RIPPLY2: variants seen among roughly 807,000 people sequenced by gnomAD.
RIPPLY2 encodes protein ripply2.
RIPPLY2 carries 20 observed loss-of-function variants against 17.7 expected under a neutral mutation model. The observed-to-expected ratio is 1.13, with a 90% confidence interval of 0.79 to 1.64. The LOEUF is 1.64. Among genes scored for constraint, RIPPLY2 ranks in the 40% most tolerant of loss-of-function variants. RIPPLY2 has a pLI of 0.00. For synonymous variants in RIPPLY2, 69 were observed against 63.9 expected (o/e 1.08, Z -0.38); for missense variants, 213 against 169.8 (o/e 1.25, Z -1.41).
At chr6:83,853,232 C>T (rs957203704), upstream of RIPPLY2, 8 of 573,740 alleles carry the variant, frequency 1.4e-5, no homozygotes, top group Non-Finnish European at 6.0e-6. Context: ...GGGGCTCAGC[C>T]CGGTGCGCCT....
chr6:83,853,399 G>C lies in RIPPLY2; in HGVS notation c.-18G>C. ...GCCCGCGAGCTGGCAGCGGCCTTCCGCCCAGCTCTGCGGCGTCATGGAGAA... is the reference window on the plus strand; with the variant it reads ...GCCCGCGAGCTGGCAGCGGCCTTCCCCCCAGCTCTGCGGCGTCATGGAGAA... On this transcript the variant is annotated 5_prime_UTR_variant, in exon 1 of 4. Transcript: ENST00000369689. The C allele has an allele frequency of 6.5e-7, 1 of 1,539,390 alleles. No individual in the cohort carries two copies. The highest frequency in any genetic ancestry group is 1.4e-5 in the African/African-American group (1 of 72,844).
In RIPPLY2 at chr6:83,857,155, A is replaced by G. The variant is rs2099455111; in HGVS notation, c.240-87A>G. ...TCCAAATGTATAAGTCAATTGTTAAATATATGGAGCTCTTGAAATTTGACC... is the reference window on the plus strand; with the variant it reads ...TCCAAATGTATAAGTCAATTGTTAAGTATATGGAGCTCTTGAAATTTGACC... On this transcript the variant is annotated intron_variant, in intron 3 of 3. Coordinates refer to ENST00000369689, the MANE Select transcript of RIPPLY2 (RefSeq NM_001009994.3). 1.3e-5 allele frequency: 11 copies of G among 835,562 alleles called. No homozygotes were observed. The South Asian group carries it at 3.0e-4, about 23-fold the overall frequency. The allele number at this position is 835,562 out of a possible 1,614,324, so 51.8% of individuals were successfully genotyped here. A position where few individuals can be genotyped will look rare whatever the true frequency, so the allele number is the denominator to read the frequency against.
rs2099455123 is a variant in RIPPLY2 at position 83,857,265 on chromosome 6, G to T, written c.263G>T (p.Cys88Phe). 2.0e-6 allele frequency: 3 copies of T among 1,519,150 alleles called. No homozygotes were observed. Among genetic ancestry groups the T allele is most frequent in the Non-Finnish European group, 2.6e-6 (3 of 1,136,232 alleles). 94.1% of individuals were successfully genotyped at this position (1,519,150 alleles called of 1,614,324 possible). Residue 88 changes from cysteine to phenylalanine, a missense_variant, in exon 4 of 4, where the codon TGT becomes TTT. Transcript: ENST00000369689. ...AGACTATTTTGGCCAAAATCAAAAT[G>T]TTATGATTACTTATATCAAGAAGCA... is the stretch of plus-strand genomic sequence containing the variant. ...PVRLFWPKSK[C>F]YDYLYQEAEA...
At chr6:83,856,719 A>T (rs1403711665) in intron 3 of RIPPLY2, 1 of 152,132 alleles carries the variant, frequency 6.6e-6, no homozygotes, top group Admixed American at 6.5e-5. Flanking sequence ...GTTTTTATAC[A>T]TTTTTAAACT....
In RIPPLY2 at chr6:83,857,388, A is replaced by C. The variant is rs142844422; in HGVS notation, c.386A>C (p.Ter129SerextTer3). Residue 129 changes from the stop codon to serine, a stop_lost, in exon 4 of 4, where the codon TAA (stop) becomes TCA (serine). Coordinates refer to ENST00000369689, the MANE Select transcript of RIPPLY2 (RefSeq NM_001009994.3). ...ATTGAGGATCTGACCTGTGAAAATT[A>C]ATCTGATTAGCTACTTTTGATTATA... is the stretch of plus-strand genomic sequence containing the variant. ...DEIEDLTCEN[*>S] 3.8e-6 allele frequency: 6 copies of C among 1,568,668 alleles called. No homozygotes were observed. The African/African-American group carries it at 8.3e-5, about 22-fold the overall frequency.
intron 3 of RIPPLY2, chr6:83,855,995 C>T (rs745627782): frequency 6.6e-5 from 10 of 152,168 alleles, no homozygotes; most frequent in Non-Finnish European, 1.0e-4. Context: ...GTTCCAGTTA[C>T]GCATTAGGAA....
rs764778567 is a variant in RIPPLY2, at chr6:83,854,152, A to C, written c.230A>C (p.His77Pro). The C allele has an allele frequency of 1.2e-6, 2 of 1,613,870 alleles. No homozygotes were observed. The highest frequency in any genetic ancestry group is 1.7e-6 in the Non-Finnish European group (2 of 1,179,970). Residue 77 changes from histidine (H) to proline (P), a missense_variant, in exon 3 of 4, where the codon CAC becomes CCC. Transcript: ENST00000369689. Reference protein sequence around the residue: ...AASGKLYQFRHPVRLFWPKSK... With the variant: ...AASGKLYQFRPPVRLFWPKSK... ...TCAGGAAAGCTTTACCAATTCAGGCACCCAGTCAGGTGAGTGACAGGCCTC... is the reference window on the plus strand; with the variant it reads ...TCAGGAAAGCTTTACCAATTCAGGCCCCCAGTCAGGTGAGTGACAGGCCTC...
chr6:83,857,448 A>G lies in RIPPLY2; in HGVS notation c.*59A>G, dbSNP rs903641560. The G allele has an allele frequency of 4.7e-6, 5 of 1,056,878 alleles. No individual in the cohort carries two copies. Among genetic ancestry groups the G allele is most frequent in the Non-Finnish European group, 5.3e-6 (4 of 760,792 alleles). The allele number at this position is 1,056,878 out of a possible 1,614,324, so 65.5% of individuals were successfully genotyped here. A position where few individuals can be genotyped will look rare whatever the true frequency, so the allele number is the denominator to read the frequency against. ...TGTGGGGTTTAAATTTAGTGTACAA[A>G]TGTATCATAATTATTTTAAACTAAT... On this transcript the variant is annotated 3_prime_UTR_variant, in exon 4 of 4. Transcript: ENST00000369689.
intron 3 of RIPPLY2, chr6:83,856,746 A>T (rs932768360): frequency 6.6e-6 from 1 of 152,140 alleles, no homozygotes; most frequent in Non-Finnish European, 1.5e-5. Flanking sequence ...GTCTACTTCT[A>T]TAAGAGTTAA....
At chr6:83,856,088 T>C (rs1345446389) in intron 3 of RIPPLY2, 3 of 152,236 alleles carry the variant, frequency 2.0e-5, no homozygotes, top group Middle Eastern at 3.2e-3. Flanking sequence ...TTTATTTTTA[T>C]TCATTTATAT....
intron 3 of RIPPLY2, chr6:83,855,322 CAAAAGT>C (rs2099454828): frequency 6.6e-6 from 1 of 152,048 alleles, no homozygotes; most frequent in Admixed American, 6.5e-5. Context: ...GTCAGGGCAT[CAAAAGT>C]AAAACTGGAA....
chr6:83,853,866 G>A, intron 2 of RIPPLY2, 93 bp downstream of exon 2: 2 of 1,199,586 alleles, frequency 1.7e-6, no homozygotes, highest in South Asian at 1.3e-5. Context: ...AGACATGCGA[G>A]ACACCGGGTC....
Position 83,853,391 on chromosome 6 carries a change from G to T in RIPPLY2, c.-26G>T, listed in dbSNP as rs1048394797. Reference sequence around the variant, plus strand: ...TCAAGATTGCCCGCGAGCTGGCAGCGGCCTTCCGCCCAGCTCTGCGGCGTC... The same window carrying T: ...TCAAGATTGCCCGCGAGCTGGCAGCTGCCTTCCGCCCAGCTCTGCGGCGTC... On this transcript the variant is annotated 5_prime_UTR_variant, in exon 1 of 4. Transcript: ENST00000369689. The T allele has an allele frequency of 1.2e-5, 18 of 1,533,776 alleles. No homozygotes were observed. Among genetic ancestry groups the T allele is most frequent in the Non-Finnish European group, 1.5e-5 (17 of 1,140,428 alleles).
intron 3 of RIPPLY2, chr6:83,856,030 T>C (rs1378637580): frequency 1.3e-5 from 2 of 152,198 alleles, no homozygotes; most frequent in African/African-American, 4.8e-5. Context: ...ATATAAGAAA[T>C]TCCTTTCTTT....
At chr6:83,853,907 T>C in intron 2 of RIPPLY2, 134 bp downstream of exon 2, 6 of 1,028,290 alleles carry the variant, frequency 5.8e-6, no homozygotes, top group Non-Finnish European at 8.7e-6. Flanking sequence ...CGCCTGCCGG[T>C]GGCCATAAAG....
chr6:83,857,165 C>A, intron 3 of RIPPLY2, 77 bp from the exon 4 acceptor site: 1 of 915,434 alleles, frequency 1.1e-6, no homozygotes, highest in Non-Finnish European at 1.6e-6. Context: ...ATATATGGAG[C>A]TCTTGAAATT....
rs770767080 is a variant in RIPPLY2, at chr6:83,857,402, C to G, written c.*13C>G. Reference sequence around the variant, plus strand: ...CTGTGAAAATTAATCTGATTAGCTACTTTTGATTATATCCAAAGCTTGTGG... The same window carrying G: ...CTGTGAAAATTAATCTGATTAGCTAGTTTTGATTATATCCAAAGCTTGTGG... On this transcript the variant is annotated 3_prime_UTR_variant, in exon 4 of 4. Transcript: ENST00000369689. 26 of 1,549,134 alleles carry G rather than the reference C, an allele frequency of 1.7e-5. No individual in the cohort carries two copies. In the Admixed American group the frequency reaches 3.3e-4, roughly 20 times the overall value.
intron 3 of RIPPLY2, chr6:83,854,774 C>T (rs1261570391): frequency 6.6e-6 from 1 of 152,658 alleles, no homozygotes; most frequent in Admixed American, 6.5e-5. Context: ...TTCCTGCCTC[C>T]GAGAGCTGTT....
intron 3 of RIPPLY2, 31 bp downstream of exon 3, chr6:83,854,192 G>A: frequency 6.3e-7 from 1 of 1,586,284 alleles, no homozygotes; most frequent in Non-Finnish European, 8.7e-7. Flanking sequence ...AAGGTCTCCC[G>A]CTCCTCCAGC....
Sources: gnomAD v4.1 joint callset for allele counts on GRCh38, gnomAD v4.1.1 for gene constraint, MANE v1.5 for transcripts, NCBI Gene and HGNC (gene_info 2026-07-23, HGNC 2026-07-21) for gene names.